The following HSD17B12 variants were observed in gnomAD, a reference collection of about 807,000 sequenced individuals.
HSD17B12 encodes the protein hydroxysteroid 17-beta dehydrogenase 12.
A neutral mutation model predicts 39.3 loss-of-function variants in HSD17B12; 32 were observed. The observed-to-expected ratio is 0.81, with a 90% CI of 0.61 to 1.09. HSD17B12 has a LOEUF of 1.09. Ranked by LOEUF, HSD17B12 falls within the 50% of genes least tolerant of loss-of-function variation. The pLI, the probability that HSD17B12 is intolerant of heterozygous loss-of-function variation, is 0.00. For synonymous variants in HSD17B12, 150 were observed against 146.7 expected (o/e 1.02, Z -0.16); for missense variants, 342 against 382.9 (o/e 0.89, Z 0.89).
At chr11:43,756,117 G>T (rs1438250706) in intron 3 of HSD17B12, among the ~76,000 whole-genome samples, 1 of 152,096 alleles carries the variant, frequency 6.6e-6, no homozygotes, top group East Asian at 1.9e-4. Flanking sequence ...TAACACATGG[G>T]AATTATGGGA....
chr11:43,671,407 C>G, the HSD17B12 span, among the ~76,000 whole-genome samples: 1 of 152,252 alleles, frequency 6.6e-6, no homozygotes, highest in Non-Finnish European at 1.5e-5. Context: ...TCTCAAACTC[C>G]TGACTTCAGG....
the HSD17B12 span, among the ~76,000 whole-genome samples, chr11:43,602,303 T>C: frequency 6.6e-6 from 1 of 152,224 alleles, no homozygotes; most frequent in African/African-American, 2.4e-5. Context: ...CGTTCCCCAT[T>C]TTCACTTCTG....
At chr11:43,667,559 C>T in the HSD17B12 span, among the ~76,000 whole-genome samples, 11 of 152,196 alleles carry the variant, frequency 7.2e-5, no homozygotes, top group African/African-American at 2.6e-4. Flanking sequence ...ATCCTTTATC[C>T]AAAATGCTTG....
the HSD17B12 span, among the ~76,000 whole-genome samples, chr11:43,675,638 A>C: frequency 7.8e-4 from 118 of 152,124 alleles, no homozygotes; most frequent in African/African-American, 2.7e-3. Flanking sequence ...TAGTTGCTAC[A>C]TGGACAACAA....
the HSD17B12 span, among the ~76,000 whole-genome samples, chr11:43,600,555 T>C: frequency 6.6e-6 from 1 of 152,154 alleles, no homozygotes; most frequent in Non-Finnish European, 1.5e-5. Flanking sequence ...GTCTGAAAAG[T>C]TTTTTTCTTT....
At chr11:43,813,057 G>A (rs1003317531) in intron 4 of HSD17B12, among the ~76,000 whole-genome samples, 1 of 152,110 alleles carries the variant, frequency 6.6e-6, no homozygotes, top group African/African-American at 2.4e-5. Flanking sequence ...TAGCCAGGAT[G>A]ATCTAGATCT....
the HSD17B12 span, among the ~76,000 whole-genome samples, chr11:43,560,993 C>A: frequency 5.3e-5 from 8 of 152,206 alleles, no homozygotes; most frequent in African/African-American, 1.9e-4. Flanking sequence ...AAGTCCCACT[C>A]TGTGAAAATC....
chr11:43,641,556 A>T, the HSD17B12 span, among the ~76,000 whole-genome samples: 138,009 of 151,986 alleles, frequency 0.91, 63,528 homozygotes, highest in Non-Finnish European at 0.98. Context: ...ACTTTGGTAT[A>T]TACTCACATG....
chr11:43,746,301 A>G (rs114493814), intron 1 of HSD17B12, among the ~76,000 whole-genome samples: 4,135 of 152,284 alleles, frequency 0.027, 193 homozygotes, highest in African/African-American at 0.093. Context: ...AAAAAGAAAC[A>G]CATTGTATAC....
the HSD17B12 span, among the ~76,000 whole-genome samples, chr11:43,663,235 G>A: frequency 0.18 from 27,843 of 152,098 alleles, 3,046 homozygotes; most frequent in Middle Eastern, 0.27. Flanking sequence ...CAAGTAGCTG[G>A]GATGCAGGCA....
chr11:43,682,842 G>C (rs1949762557), intron 1 of HSD17B12, among the ~76,000 whole-genome samples: 1 of 151,372 alleles, frequency 6.6e-6, no homozygotes, highest in Non-Finnish European at 1.5e-5. Context: ...GGAGGGCAGT[G>C]GTGTGGTGGT....
intron 6 of HSD17B12, chr11:43,830,170 T>C (rs537785148): frequency 6.6e-6 from 1 of 152,346 alleles, no homozygotes; most frequent in South Asian, 2.1e-4. Context: ...TTAGCATGCA[T>C]TGAAACCTTA....
At chr11:43,601,760 C>G in the HSD17B12 span, among the ~76,000 whole-genome samples, 1 of 152,180 alleles carries the variant, frequency 6.6e-6, no homozygotes, top group African/African-American at 2.4e-5. Flanking sequence ...CTGTTTCTTT[C>G]AAGCAGCTGT....
chr11:43,848,767 AT>A (rs996763842), intron 9 of HSD17B12, among the ~76,000 whole-genome samples: 4 of 151,588 alleles, frequency 2.6e-5, no homozygotes, highest in African/African-American at 4.8e-5. Context: ...ACCAATGCTG[AT>A]TTTTTTTTCC....
At chr11:43,657,227 T>A in the HSD17B12 span, among the ~76,000 whole-genome samples, 1 of 152,260 alleles carries the variant, frequency 6.6e-6, no homozygotes, top group Non-Finnish European at 1.5e-5. Context: ...TTGCAACCCC[T>A]GCCTTTTTTT....
At chr11:43,701,703 C>G (rs888313715) in intron 1 of HSD17B12, among the ~76,000 whole-genome samples, 2 of 152,120 alleles carry the variant, frequency 1.3e-5, no homozygotes, top group African/African-American at 4.8e-5. Context: ...TGCTTTTATG[C>G]CCATACCATG....
At chr11:43,753,409 G>C (rs1159641265) in intron 2 of HSD17B12, among the ~76,000 whole-genome samples, 2 of 134,808 alleles carry the variant, frequency 1.5e-5, no homozygotes, top group Non-Finnish European at 3.1e-5. Flanking sequence ...TTTTGAGATG[G>C]AGTCTTGCTC....
intron 3 of HSD17B12, among the ~76,000 whole-genome samples, chr11:43,773,644 C>T (rs936930880): frequency 2.0e-5 from 3 of 152,190 alleles, no homozygotes; most frequent in African/African-American, 7.2e-5. Context: ...GCAGCCTCCC[C>T]TACTATAAAA....
At chr11:43,613,104 TA>T in the HSD17B12 span, among the ~76,000 whole-genome samples, 1 of 152,066 alleles carries the variant, frequency 6.6e-6, no homozygotes, top group Non-Finnish European at 1.5e-5. Context: ...GGGTTTCAAG[TA>T]AAAGAATGAT....
Sources: allele counts gnomAD v4.1 joint callset (sites outside exome capture counted in the v4.1 genomes callset), GRCh38; gene constraint gnomAD v4.1.1; transcripts MANE v1.5; gene names NCBI Gene and HGNC (gene_info 2026-07-23, HGNC 2026-07-21).